Variants in ESR1 observed in about 807,000 individuals in gnomAD.
The protein encoded by ESR1 is estrogen receptor.
Under a neutral mutation model 52.7 loss-of-function variants are expected in ESR1, and 12 were observed. That is an observed-to-expected ratio of 0.23 (90% CI 0.15 to 0.37). The LOEUF (loss-of-function observed/expected upper bound fraction) is 0.37. ESR1 is among the 10% of genes least tolerant of loss of function. ESR1 has a pLI of 1.00. For missense variants in ESR1, 584 were observed against 779.7 expected, an observed-to-expected ratio of 0.75 and a Z score of 2.99; for synonymous variants, 305 against 316.8, an observed-to-expected ratio of 0.96 and a Z score of 0.39.
chr6:151,708,655 T>A (rs1325652110), intron 2 of ESR1, among the ~76,000 whole-genome samples: 2 of 152,204 alleles, frequency 1.3e-5, no homozygotes, highest in African/African-American at 4.8e-5. Context: ...TGACTTCTAA[T>A]GAGCTTAAGC....
At chr6:151,864,401 C>T (rs969813498) in intron 2 of ESR1, among the ~76,000 whole-genome samples, 92 of 152,230 alleles carry the variant, frequency 6.0e-4, no homozygotes, top group Non-Finnish European at 1.0e-3. Context: ...CCATCTCACA[C>T]CAGTTAGAAT....
intron 1 of ESR1, among the ~76,000 whole-genome samples, chr6:151,667,754 A>C (rs958551428): frequency 6.6e-6 from 1 of 152,352 alleles, no homozygotes. Flanking sequence ...GGAGTTGCTC[A>C]TAAGTCTACT....
intron 4 of ESR1, among the ~76,000 whole-genome samples, chr6:152,010,357 G>C (rs1375941334): frequency 6.6e-6 from 1 of 151,978 alleles, no homozygotes; most frequent in Non-Finnish European, 1.5e-5. Flanking sequence ...AGTATAGCTG[G>C]CTAATAAAAG....
intron 2 of ESR1, among the ~76,000 whole-genome samples, chr6:151,876,979 A>C (rs1322453595): frequency 3.9e-5 from 6 of 151,918 alleles, no homozygotes; most frequent in Admixed American, 2.6e-4. Context: ...AAAAAAACAC[A>C]CACACACACA....
At chr6:152,077,969 G>A (rs1309590068) in intron 6 of ESR1, among the ~76,000 whole-genome samples, 1 of 152,188 alleles carries the variant, frequency 6.6e-6, no homozygotes, top group Non-Finnish European at 1.5e-5. Flanking sequence ...GGGACTGTTG[G>A]GAAGGCATGA....
At chr6:151,808,511 GCC>G (rs1778253069) in intron 1 of ESR1, 147 bp downstream of exon 1, 1 of 609,556 alleles carries the variant, frequency 1.6e-6, no homozygotes, top group Admixed American at 4.2e-5. Flanking sequence ...GGGGCGCGCG[GCC>G]CAGCCCGGGG....
At chr6:151,972,389 T>C (rs1429236307) in intron 4 of ESR1, among the ~76,000 whole-genome samples, 1 of 152,148 alleles carries the variant, frequency 6.6e-6, no homozygotes, top group African/African-American at 2.4e-5. Flanking sequence ...TAAATATAGA[T>C]GCAAAAATCC....
rs562481725 is a variant in ESR1 at position 151,962,522 on chromosome 6, A to G, written c.1096+18014A>G. Among the ~76,000 whole-genome samples, 9 of 152,312 alleles carry G rather than the reference A, an allele frequency of 5.9e-5. No homozygotes were observed. The East Asian group carries it at 1.2e-3, about 20-fold the overall frequency. ...TTCAAATGGGATCTTTTACTACAGC[A>G]ATCCAGCAACAAACTAAATAGCGAT... On this transcript the variant is annotated intron_variant, in intron 4 of 7. Coordinates refer to ENST00000206249, the MANE Select transcript of ESR1 (RefSeq NM_000125.4).
chr6:151,721,125 C>A (rs10484921), intron 2 of ESR1, among the ~76,000 whole-genome samples: 34,331 of 152,060 alleles, frequency 0.23, 4,043 homozygotes, highest in Non-Finnish European at 0.25. Context: ...TAACTTTGTC[C>A]AATGAAGTCT....
chr6:151,915,283 A>G (rs2029864968), intron 3 of ESR1, among the ~76,000 whole-genome samples: 1 of 152,100 alleles, frequency 6.6e-6, no homozygotes, highest in African/African-American at 2.4e-5. Context: ...CCCTTTCATT[A>G]CCAAGAATGC....
At chr6:151,812,661 G>C (rs1448669672) in intron 1 of ESR1, among the ~76,000 whole-genome samples, 1 of 152,174 alleles carries the variant, frequency 6.6e-6, no homozygotes, top group African/African-American at 2.4e-5. Context: ...CCAGTAGAGA[G>C]AGCAGCGTGC....
chr6:151,920,896 T>G (rs1024955233), intron 3 of ESR1, among the ~76,000 whole-genome samples: 1 of 152,184 alleles, frequency 6.6e-6, no homozygotes, highest in African/African-American at 2.4e-5. Context: ...CAGTACTTTT[T>G]GGAAGAAGCC....
chr6:151,783,736 T>G (rs964861476), intron 2 of ESR1, among the ~76,000 whole-genome samples: 2 of 152,336 alleles, frequency 1.3e-5, no homozygotes, highest in Admixed American at 1.3e-4. Flanking sequence ...ATTTTATTAT[T>G]AACTTAATTC....
chr6:151,868,752 G>A (rs1790413565), intron 2 of ESR1, among the ~76,000 whole-genome samples: 1 of 152,078 alleles, frequency 6.6e-6, no homozygotes, highest in Non-Finnish European at 1.5e-5. Flanking sequence ...ATTTTGAGTA[G>A]TGTTCTGATG....
In ESR1 at chr6:152,122,106, A is replaced by C. The variant is rs931513520; in HGVS notation, c.851-3160A>C. ...GAAAGCTGCCCAGATGGTCTACTGA[A>C]GTCCTTGGCTGTGCACAGAATGGGC... On this transcript the variant is annotated intron_variant, in intron 6 of 6. Coordinates refer to the ESR1 transcript ENST00000427531. 7 of 383,920 alleles carry C rather than the reference A, an allele frequency of 1.8e-5. No individual in the cohort carries two copies. The Admixed American group carries it at 2.7e-4, about 15-fold the overall frequency. The allele number at this position is 383,920 out of a possible 1,614,324, so 23.8% of individuals were successfully genotyped here.
At chr6:151,975,456 C>T (rs945490898) in intron 4 of ESR1, among the ~76,000 whole-genome samples, 4 of 151,888 alleles carry the variant, frequency 2.6e-5, no homozygotes, top group Admixed American at 1.3e-4. Context: ...ATTGGTCAAT[C>T]AATCAATCAA....
intron 4 of ESR1, among the ~76,000 whole-genome samples, chr6:152,003,031 A>T (rs1438596726): frequency 3.9e-5 from 6 of 152,004 alleles, no homozygotes; most frequent in Non-Finnish European, 8.8e-5. Flanking sequence ...ATACTCTTAA[A>T]TCCATCAGCT....
At chr6:151,660,458 G>A (rs1777600560) in intron 1 of ESR1, among the ~76,000 whole-genome samples, 1 of 152,130 alleles carries the variant, frequency 6.6e-6, no homozygotes, top group Non-Finnish European at 1.5e-5. Flanking sequence ...TTCTTCATCT[G>A]CAAAACTTTA....
chr6:151,925,610 A>AATAC (rs970226828), intron 3 of ESR1, among the ~76,000 whole-genome samples: 2 of 152,132 alleles, frequency 1.3e-5, no homozygotes, highest in Non-Finnish European at 2.9e-5. Context: ...TCCATCTCAA[A>AATAC]ATACATACAT....
Sources: allele counts gnomAD v4.1 joint callset (sites outside exome capture counted in the v4.1 genomes callset), GRCh38; gene constraint gnomAD v4.1.1; transcripts MANE v1.5; gene names NCBI Gene and HGNC (gene_info 2026-07-23, HGNC 2026-07-21).